Variants in HDHD2 observed in about 807,000 individuals in gnomAD.
HDHD2 encodes the protein haloacid dehalogenase-like hydrolase domain-containing protein 2.
Under a neutral mutation model 24.8 loss-of-function variants are expected in HDHD2, and 26 were observed. The observed-to-expected ratio is 1.05, with a 90% CI of 0.77 to 1.45. The LOEUF is 1.45. Among genes scored for constraint, HDHD2 ranks in the 40% most tolerant of loss-of-function variants. The probability of loss-of-function intolerance (pLI) is 0.00; values close to 1 mark genes in which losing one functional copy is unlikely to be tolerated. For synonymous variants in HDHD2, 128 were observed against 114.9 expected, an observed-to-expected ratio of 1.11 and a Z score of -0.73; for missense variants, 299 against 313.4, an observed-to-expected ratio of 0.95 and a Z score of 0.35.
chr18:47,130,624 G>C (rs953908486), intron 3 of HDHD2, among the ~76,000 whole-genome samples: 1 of 152,174 alleles, frequency 6.6e-6, no homozygotes, highest in African/African-American at 2.4e-5. Context: ...ATTGTAACCT[G>C]ATGTCCTCAA....
intron 4 of HDHD2, among the ~76,000 whole-genome samples, chr18:47,125,332 A>T (rs2063648255): frequency 6.6e-6 from 1 of 152,214 alleles, no homozygotes; most frequent in African/African-American, 2.4e-5. Context: ...CTGTTTGGCG[A>T]TATTTACTAA....
rs112259613 is a variant in HDHD2, at chr18:47,121,106, T to TA, written c.396-5759dup. 6.8e-3 allele frequency among the ~76,000 whole-genome samples: 957 copies of TA among 141,078 alleles called. 5 individuals carry two copies. Among genetic ancestry groups the TA allele is most frequent in the African/African-American group, 0.013 (519 of 38,494 alleles). 92.6% of individuals were successfully genotyped at this position (141,078 alleles called of 152,430 possible). On this transcript the variant is annotated intron_variant, in intron 4 of 6. Transcript: ENST00000300605. Reference sequence around the variant, plus strand: ...TAGGGTTACCACAAAATCAGTTTGTTAAAAAAAAAAAAAATGCAAGTGAAG... The same window carrying TA: ...TAGGGTTACCACAAAATCAGTTTGTTAAAAAAAAAAAAAAATGCAAGTGAAG...
Position 47,130,454 on chromosome 18 carries a change from T to C in HDHD2, c.311-126A>G, listed in dbSNP as rs898039197. 29 of 623,022 alleles carry C rather than the reference T, an allele frequency of 4.7e-5. No individual in the cohort carries two copies. In the Admixed American group the frequency reaches 8.4e-4, roughly 18 times the overall value. 38.6% of individuals were successfully genotyped at this position (623,022 alleles called of 1,614,324 possible). ...ATCCATAATTTAAAATTTAATAGAT[T>C]ATCCTGCCCAGTGTACTTTGGAAGT... is the stretch of plus-strand genomic sequence containing the variant. On this transcript the variant is annotated intron_variant, in intron 3 of 6. Transcript: ENST00000300605.
intron 1 of HDHD2, chr18:47,149,040 A>C (rs1024774775): frequency 6.6e-6 from 1 of 152,200 alleles, no homozygotes; most frequent in African/African-American, 2.4e-5. Context: ...GGATTAAAGA[A>C]AGTAATACCT....
At chr18:47,134,122 T>C (rs1265492350) in intron 3 of HDHD2, among the ~76,000 whole-genome samples, 1 of 152,188 alleles carries the variant, frequency 6.6e-6, no homozygotes, top group African/African-American at 2.4e-5. Context: ...TCTGTGTTTT[T>C]TCAAACCACG....
At position 47,135,283 on chromosome 18, in the gene HDHD2, C is replaced by T. The variant is rs534203241; in HGVS notation, c.102-579G>A. ...CTTTTTTTTTTTTTTTTTTTTGAGA[C>T]GGAGTTTCACTCTTGTTGCCCAGGC... On this transcript the variant is annotated intron_variant, in intron 2 of 6. Transcript: ENST00000300605. Among the ~76,000 whole-genome samples the T allele has an allele frequency of 2.5e-3, 300 of 122,320 alleles. 2 individuals are homozygous for T. The highest frequency in any genetic ancestry group is 8.9e-3 in the African/African-American group (283 of 31,824). 80.2% of individuals were successfully genotyped at this position (122,320 alleles called of 152,430 possible).
intron 6 of HDHD2, chr18:47,111,692 G>A: frequency 1.0e-6 from 1 of 985,394 alleles, no homozygotes; most frequent in Non-Finnish European, 1.2e-6. Context: ...GTTCACTTCA[G>A]GCCCCAGGAG....
rs1015318018 is a variant in HDHD2 at position 47,108,617 on chromosome 18, G to T, written c.*65C>A. The T allele has an allele frequency of 7.1e-6, 6 of 841,518 alleles. No individual in the cohort carries two copies. The highest frequency in any genetic ancestry group is 2.1e-5 in the Admixed American group (1 of 48,402). The allele number at this position is 841,518 out of a possible 1,614,324, so 52.1% of individuals were successfully genotyped here. A position where few individuals can be genotyped will look rare whatever the true frequency, so the allele number is the denominator to read the frequency against. On this transcript the variant is annotated 3_prime_UTR_variant, in exon 7 of 7. Transcript: ENST00000300605. ...TGTCTACCGATGCTGGCACTGAGTT[G>T]GTAAGGGATTCATTCCAGACAATAA...
At chr18:47,142,259 A>G (rs1187882614) in intron 1 of HDHD2, among the ~76,000 whole-genome samples, 1 of 147,648 alleles carries the variant, frequency 6.8e-6, no homozygotes, top group African/African-American at 2.5e-5. Flanking sequence ...AGTTCCATAA[A>G]TAAATGTTTT....
At chr18:47,111,370 A>G in intron 6 of HDHD2, 1 of 812,010 alleles carries the variant, frequency 1.2e-6, no homozygotes, top group Non-Finnish European at 1.5e-6. Context: ...CATGAGCTAA[A>G]AAAAAAAAAA....
chr18:47,117,545 CAACTAT>C (rs2063567709), intron 4 of HDHD2, among the ~76,000 whole-genome samples: 1 of 152,198 alleles, frequency 6.6e-6, no homozygotes, highest in African/African-American at 2.4e-5. Flanking sequence ...CTAGCCTCCA[CAACTAT>C]AAGAAATAAC....
At chr18:47,141,044 C>T (rs908983935) in intron 1 of HDHD2, among the ~76,000 whole-genome samples, 1 of 152,160 alleles carries the variant, frequency 6.6e-6, no homozygotes, top group Admixed American at 6.5e-5. Context: ...CATCCTTATT[C>T]TGTTCTTGAA....
intron 6 of HDHD2, chr18:47,110,115 A>G: frequency 1.0e-6 from 1 of 985,358 alleles, no homozygotes; most frequent in Non-Finnish European, 1.2e-6. Context: ...TTCTCTGCCT[A>G]AACTCAGCTC....
At chr18:47,137,329 G>T in intron 1 of HDHD2, 1 of 389,142 alleles carries the variant, frequency 2.6e-6, no homozygotes, top group South Asian at 2.4e-5. Flanking sequence ...CTTTACTCCA[G>T]AATTCTGTTC....
At chr18:47,110,409 G>A (rs920878326) in intron 6 of HDHD2, 60 of 985,060 alleles carry the variant, frequency 6.1e-5, no homozygotes, top group African/African-American at 4.4e-4. Context: ...CTTAAATATC[G>A]TTAGTATAAA....
In HDHD2 at chr18:47,139,676, T is replaced by G. The variant is rs541883311; in HGVS notation, c.-10-3227A>C. On this transcript the variant is annotated intron_variant, in intron 1 of 6. Transcript: ENST00000300605. Reference sequence around the variant, plus strand: ...AAATGGAGGAGGCAGTCTTGGAGACTAAGCCCTCAACCTGTGGGATCTGAC... The same window carrying G: ...AAATGGAGGAGGCAGTCTTGGAGACGAAGCCCTCAACCTGTGGGATCTGAC... 3.9e-5 allele frequency among the ~76,000 whole-genome samples: 6 copies of G among 152,196 alleles called. No individual in the cohort carries two copies. In the East Asian group the frequency reaches 7.7e-4, roughly 20 times the overall value.
chr18:47,126,151 T>C (rs1390723416), intron 4 of HDHD2, among the ~76,000 whole-genome samples: 1 of 152,198 alleles, frequency 6.6e-6, no homozygotes, highest in Admixed American at 6.5e-5. Context: ...TGGACTTTAA[T>C]TAAGAACACT....
At chr18:47,132,659 G>A (rs541041245) in intron 3 of HDHD2, among the ~76,000 whole-genome samples, 1 of 152,228 alleles carries the variant, frequency 6.6e-6, no homozygotes, top group Non-Finnish European at 1.5e-5. Flanking sequence ...TACTAGTTTT[G>A]AGGTCTGCCC....
Position 47,134,620 on chromosome 18 carries a change from T to C in HDHD2, c.186A>G (p.Lys62=), listed in dbSNP as rs1489222493. Residue 62 remains lysine, a synonymous_variant, in exon 3 of 7, where the codon AAA becomes AAG. Coordinates refer to ENST00000300605, the MANE Select transcript of HDHD2 (RefSeq NM_032124.5). ...SKQDLLERLR[K]LEFDISEDEI... is the part of the protein sequence containing the mutation. The stretch of plus-strand genomic sequence containing the variant: ...CATCTTCAGAGATATCAAATTCCAA[T>C]TTTCTCAACCTTTCTAACAGGTCTT... 12 of 1,614,164 alleles carry C rather than the reference T, an allele frequency of 7.4e-6. No homozygotes were observed. The South Asian group carries it at 1.2e-4, about 16-fold the overall frequency.
Sources: allele counts gnomAD v4.1 joint callset (sites outside exome capture counted in the v4.1 genomes callset), GRCh38; gene constraint gnomAD v4.1.1; transcripts MANE v1.5; gene names NCBI Gene and HGNC (gene_info 2026-07-23, HGNC 2026-07-21).